ZNF562: variants seen among roughly 807,000 people sequenced by gnomAD.
ZNF562 encodes zinc finger protein 562.
A neutral mutation model predicts 17.5 loss-of-function variants in ZNF562; 13 were observed. The observed-to-expected ratio is 0.74, with a 90% CI of 0.48 to 1.18. The LOEUF is 1.18. ZNF562 is among the 50% of genes most tolerant of loss of function. The probability of loss-of-function intolerance (pLI) is 0.00; values close to 1 mark genes in which losing one functional copy is unlikely to be tolerated. For missense variants in ZNF562, 481 were observed against 498.5 expected (o/e 0.96, Z 0.33); for synonymous variants, 163 against 165.4 (o/e 0.99, Z 0.11).
chr19:9,672,530 TC>T (rs1187097139), intron 1 of ZNF562, among the ~76,000 whole-genome samples: 3 of 152,076 alleles, frequency 2.0e-5, no homozygotes, highest in Non-Finnish European at 4.4e-5. Context: ...ATCAAATTTT[TC>T]AGAAAAAAAT....
chr19:9,654,335 C>G (rs1201306249), intron 5 of ZNF562, among the ~76,000 whole-genome samples: 1 of 152,118 alleles, frequency 6.6e-6, no homozygotes, highest in Non-Finnish European at 1.5e-5. Flanking sequence ...ATTGCCTGGT[C>G]TATAGTGCAC....
At position 9,644,528 on chromosome 19, in the gene ZNF562, G is replaced by GCCTCT. The variant is rs1382066357; in HGVS notation, c.*8420_*8421insAGAGG. 6.6e-6 allele frequency: 1 copy of GCCTCT among 152,230 alleles called. No homozygotes were observed. The highest frequency in any genetic ancestry group is 2.4e-5 in the African/African-American group (1 of 41,428). 9.4% of individuals were successfully genotyped at this position (152,230 alleles called of 1,614,324 possible). On this transcript the variant is annotated 3_prime_UTR_variant, in exon 6 of 6. Transcript: ENST00000453372. ...ACTGGGTAAGTTATGAAGAAAAAGA[G>GCCTCT]GTTTAATGGACTCACAGTTCCACAT...
At position 9,647,357 on chromosome 19, in the gene ZNF562, G is replaced by A. The variant is rs2074815028; in HGVS notation, c.*5592C>T. The A allele has an allele frequency of 6.6e-6, 1 of 152,220 alleles. No individual in the cohort carries two copies. Among genetic ancestry groups the A allele is most frequent in the Non-Finnish European group, 1.5e-5 (1 of 68,186 alleles). The allele number at this position is 152,220 out of a possible 1,614,324, so 9.4% of individuals were successfully genotyped here. A position where few individuals can be genotyped will look rare whatever the true frequency, so the allele number is the denominator to read the frequency against. On this transcript the variant is annotated 3_prime_UTR_variant, in exon 6 of 6. Coordinates refer to ENST00000453372, the MANE Select transcript of ZNF562 (RefSeq NM_001130031.2). The stretch of plus-strand genomic sequence containing the variant: ...AGCCTCCCAAAGTGGTGGGATTACA[G>A]GCATGAGCCACCACTCCCAGCCTGA...
At chr19:9,657,052 GAAAAA>G (rs1459280093) in intron 4 of ZNF562, among the ~76,000 whole-genome samples, 1 of 142,526 alleles carries the variant, frequency 7.0e-6, no homozygotes, top group Non-Finnish European at 1.5e-5. Flanking sequence ...AAAAAAAAAA[GAAAAA>G]AGAAAACAAG....
chr19:9,663,741 A>T (rs1272679994), intron 1 of ZNF562, among the ~76,000 whole-genome samples: 1 of 151,244 alleles, frequency 6.6e-6, no homozygotes, highest in Non-Finnish European at 1.5e-5. Context: ...CAGTGGCGCG[A>T]TCTCGGCTCA....
At chr19:9,660,106 A>C (rs2043681156) in intron 2 of ZNF562, among the ~76,000 whole-genome samples, 1 of 148,714 alleles carries the variant, frequency 6.7e-6, no homozygotes. Context: ...AAAAAAAAAA[A>C]AAAAAAATTA....
intron 1 of ZNF562, among the ~76,000 whole-genome samples, chr19:9,671,100 G>A (rs760621064): frequency 9.9e-5 from 15 of 151,802 alleles, no homozygotes; most frequent in East Asian, 3.9e-4. Context: ...CACTTAATAC[G>A]CATCTATCAT....
At position 9,652,850 on chromosome 19, in the gene ZNF562, A is replaced by G. The variant is rs1164556913; in HGVS notation, c.*99T>C. ...CATACTTAGGCATGAGGAAAGAGCA[A>G]ATGCTTTCCCAAATTCTTTACATAC... On this transcript the variant is annotated 3_prime_UTR_variant, in exon 6 of 6. Transcript: ENST00000453372. The G allele has an allele frequency of 2.5e-6, 3 of 1,178,486 alleles. No homozygotes were observed. The African/African-American group carries it at 4.6e-5, about 18-fold the overall frequency. The allele number at this position is 1,178,486 out of a possible 1,614,324, so 73.0% of individuals were successfully genotyped here.
chr19:9,656,712 A>T (rs1448761562), intron 4 of ZNF562, 59 bp from the exon 5 acceptor site: 4 of 1,542,782 alleles, frequency 2.6e-6, no homozygotes, highest in Non-Finnish European at 3.6e-6. Flanking sequence ...CTTGTTTTCA[A>T]ATTAAACACA....
At chr19:9,654,284 C>T (rs1343541331) in intron 5 of ZNF562, among the ~76,000 whole-genome samples, 1 of 152,002 alleles carries the variant, frequency 6.6e-6, no homozygotes, top group Non-Finnish European at 1.5e-5. Context: ...ACCCACCATG[C>T]ACAACATGTT....
At chr19:9,674,554 G>C (rs187870403) in intron 1 of ZNF562, 3 of 151,370 alleles carry the variant, frequency 2.0e-5, no homozygotes, top group Non-Finnish European at 2.9e-5. Context: ...GACAACGCCA[G>C]ATTCTCAGAT....
At chr19:9,654,431 G>T (rs140210428) in intron 5 of ZNF562, among the ~76,000 whole-genome samples, 1 of 152,072 alleles carries the variant, frequency 6.6e-6, no homozygotes, top group Non-Finnish European at 1.5e-5. Flanking sequence ...GCTAGGACTA[G>T]AGGCATGCAT....
intron 1 of ZNF562, among the ~76,000 whole-genome samples, chr19:9,666,356 C>G (rs1255689735): frequency 6.7e-6 from 1 of 149,632 alleles, no homozygotes; most frequent in Non-Finnish European, 1.5e-5. Flanking sequence ...CACAATGGAA[C>G]TTTGTTTTGG....
intron 1 of ZNF562, among the ~76,000 whole-genome samples, chr19:9,669,182 C>T (rs1036225819): frequency 2.0e-5 from 3 of 152,064 alleles, no homozygotes; most frequent in African/African-American, 7.2e-5. Flanking sequence ...AAACAATCTA[C>T]AGTATGGGAG....
intron 1 of ZNF562, among the ~76,000 whole-genome samples, chr19:9,668,806 T>A (rs533602761): frequency 6.6e-6 from 1 of 151,036 alleles, no homozygotes; most frequent in South Asian, 2.1e-4. Context: ...AGAACCTAAA[T>A]ACAAATCTAC....
rs375388520 is a variant in ZNF562 at position 9,670,134 on chromosome 19, G to C, written c.-131+4881C>G. On this transcript the variant is annotated intron_variant, in intron 1 of 5. Transcript: ENST00000453372. ...GAGGCCTGTAGTCCTGGCTACTCAGGAAGCTGAGGTGGGAGGATCACCTGA... is the reference window on the plus strand; with the variant it reads ...GAGGCCTGTAGTCCTGGCTACTCAGCAAGCTGAGGTGGGAGGATCACCTGA... Among the ~76,000 whole-genome samples, 4 of 152,068 alleles carry C rather than the reference G, an allele frequency of 2.6e-5. No homozygotes were observed. In the East Asian group the frequency reaches 5.8e-4, roughly 22 times the overall value.
At chr19:9,670,999 C>CA (rs61660395) in intron 1 of ZNF562, among the ~76,000 whole-genome samples, 14,989 of 92,548 alleles carry the variant, frequency 0.16, 1,097 homozygotes, top group African/African-American at 0.27. Context: ...CTCCATCTCC[C>CA]AAAAAAAAAA....
At chr19:9,674,733 A>C (rs1205295706) in intron 1 of ZNF562, 1 of 152,232 alleles carries the variant, frequency 6.6e-6, no homozygotes, top group African/African-American at 2.4e-5. Context: ...GGAAAGAAAA[A>C]AACTCCCAAA....
chr19:9,653,992 ATTT>A (rs57141679), intron 5 of ZNF562, 111 bp from the exon 6 acceptor site: 400 of 1,005,244 alleles, frequency 4.0e-4, no homozygotes, highest in South Asian at 8.2e-4. Flanking sequence ...TTAATGTTTA[ATTT>A]TTTTTTTTTT....
Sources: gnomAD v4.1 joint callset for allele counts (sites outside exome capture counted in the v4.1 genomes callset) on GRCh38, gnomAD v4.1.1 for gene constraint, MANE v1.5 for transcripts, NCBI Gene and HGNC (gene_info 2026-07-23, HGNC 2026-07-21) for gene names.